SLC8A1: variants seen among roughly 807,000 people sequenced by gnomAD.
SLC8A1 encodes solute carrier family 8 member A1, also known as sodium/calcium exchanger 1.
SLC8A1 carries 18 observed loss-of-function variants against 68.3 expected under a neutral mutation model. The ratio of observed to expected loss-of-function variants is 0.26; its 90% CI spans 0.18 to 0.39. The LOEUF is 0.39. Among genes scored for constraint, SLC8A1 ranks in the 10% least tolerant of loss-of-function variants. SLC8A1 has a pLI of 1.00. For missense variants in SLC8A1, 985 were observed against 1,156.7 expected, an observed-to-expected ratio of 0.85 and a Z score of 2.15; for synonymous variants, 475 against 415.5, an observed-to-expected ratio of 1.14 and a Z score of -1.74.
chr2:40,379,829 A>G (rs1353666874), intron 2 of SLC8A1, among the ~76,000 whole-genome samples: 3 of 152,018 alleles, frequency 2.0e-5, no homozygotes, highest in African/African-American at 4.8e-5. Context: ...GTCTTTCTAA[A>G]TATCTATTAA....
chr2:40,221,775 T>C (rs189017831), intron 2 of SLC8A1, among the ~76,000 whole-genome samples: 49 of 152,296 alleles, frequency 3.2e-4, no homozygotes, highest in African/African-American at 1.2e-3. Context: ...CCATTCACAA[T>C]TGCTACAAAG....
chr2:40,243,425 A>G (rs1303488027), intron 2 of SLC8A1, among the ~76,000 whole-genome samples: 1 of 152,208 alleles, frequency 6.6e-6, no homozygotes, highest in East Asian at 1.9e-4. Flanking sequence ...TAGATGTTAT[A>G]GTGACCAAGA....
chr2:40,356,604 G>GAAA (rs35434132), intron 2 of SLC8A1, among the ~76,000 whole-genome samples: 1 of 146,916 alleles, frequency 6.8e-6, no homozygotes. Flanking sequence ...AAGATACCAA[G>GAAA]AAAAAAAAAA....
intron 2 of SLC8A1, among the ~76,000 whole-genome samples, chr2:40,223,132 A>G (rs2058554114): frequency 6.6e-6 from 1 of 152,248 alleles, no homozygotes; most frequent in African/African-American, 2.4e-5. Context: ...CCCATCAATG[A>G]TAGACTGGAT....
chr2:40,430,055 C>A (rs1238192528), exon 2 of SLC8A1: 1 of 1,613,886 alleles, frequency 6.2e-7, no homozygotes. Flanking sequence ...GTAGCTCTAG[C>A]AATTTTGTCC....
At chr2:40,255,835 C>T (rs1400674909) in intron 2 of SLC8A1, among the ~76,000 whole-genome samples, 3 of 152,056 alleles carry the variant, frequency 2.0e-5, no homozygotes, top group African/African-American at 4.8e-5. Flanking sequence ...ATCAATTAGT[C>T]AAGAAAATGT....
At chr2:40,443,844 CTATAA>C (rs977366092) in intron 1 of SLC8A1, among the ~76,000 whole-genome samples, 4 of 152,180 alleles carry the variant, frequency 2.6e-5, no homozygotes, top group African/African-American at 9.7e-5. Flanking sequence ...TCAGTGCCAT[CTATAA>C]TATAACACCT....
rs561145964 is a variant in SLC8A1, at chr2:40,320,973, C to A, written c.1808+107500G>T. 3.5e-4 allele frequency among the ~76,000 whole-genome samples: 53 copies of A among 152,212 alleles called. 1 individual carries two copies. In the South Asian group the frequency reaches 0.011, roughly 32 times the overall value. On this transcript the variant is annotated intron_variant, in intron 2 of 7. Coordinates refer to ENST00000406785, the Ensembl canonical transcript of SLC8A1. ...CCCTGGACTGCCCACTCTAACCATGCAGGCGGGGGATTGTGTGTGAGAAGG... is the reference window on the plus strand; with the variant it reads ...CCCTGGACTGCCCACTCTAACCATGAAGGCGGGGGATTGTGTGTGAGAAGG...
At chr2:40,154,866 T>C (rs1288485730) in intron 6 of SLC8A1, among the ~76,000 whole-genome samples, 1 of 152,132 alleles carries the variant, frequency 6.6e-6, no homozygotes, top group Non-Finnish European at 1.5e-5. Flanking sequence ...GGTTTCACTA[T>C]GTTGCATAGG....
chr2:40,356,589 G>C (rs978558381), intron 2 of SLC8A1, among the ~76,000 whole-genome samples: 3 of 143,894 alleles, frequency 2.1e-5, no homozygotes, highest in African/African-American at 7.5e-5. Context: ...AATCACGTAT[G>C]GTCCAAGATA....
exon 3 of SLC8A1, chr2:40,177,770 T>G (rs1278225537): frequency 6.5e-7 from 1 of 1,548,248 alleles, no homozygotes; most frequent in Middle Eastern, 1.7e-4. Context: ...CCTCTTCTTA[T>G]CCATTTTGGT....
chr2:40,457,641 C>G (rs935492424), intron 1 of SLC8A1, among the ~76,000 whole-genome samples: 6 of 152,106 alleles, frequency 3.9e-5, no homozygotes, highest in Non-Finnish European at 8.8e-5. Context: ...TACAGTGTGA[C>G]CTAAAGAATC....
exon 8 of SLC8A1, chr2:40,106,032 C>T (rs1341766612): frequency 6.6e-6 from 1 of 152,192 alleles, no homozygotes; most frequent in Non-Finnish European, 1.5e-5. Context: ...ATTAACACAT[C>T]TTCTGGATAG....
At chr2:40,398,950 A>G (rs1212491692) in intron 2 of SLC8A1, among the ~76,000 whole-genome samples, 1 of 152,180 alleles carries the variant, frequency 6.6e-6, no homozygotes, top group African/African-American at 2.4e-5. Flanking sequence ...CTATTTATCT[A>G]TCATCTATAT....
intron 2 of SLC8A1, among the ~76,000 whole-genome samples, chr2:40,348,084 T>G (rs1559339113): frequency 6.6e-6 from 1 of 152,100 alleles, no homozygotes; most frequent in South Asian, 2.1e-4. Flanking sequence ...CTGAAGTGTG[T>G]TTCCTTCTTA....
chr2:40,346,918 T>C (rs1669533145), intron 2 of SLC8A1, among the ~76,000 whole-genome samples: 1 of 152,126 alleles, frequency 6.6e-6, no homozygotes, highest in Non-Finnish European at 1.5e-5. Context: ...CCCTGGGTAA[T>C]CAGCCCACAC....
At chr2:40,268,062 A>G (rs2065579984) in intron 2 of SLC8A1, among the ~76,000 whole-genome samples, 1 of 152,216 alleles carries the variant, frequency 6.6e-6, no homozygotes, top group Non-Finnish European at 1.5e-5. Context: ...TCCTGAAAAG[A>G]AATCTCTCAT....
intron 1 of SLC8A1, chr2:40,512,311 C>T (rs1332123292): frequency 6.6e-6 from 1 of 152,246 alleles, no homozygotes; most frequent in Admixed American, 6.6e-5. Flanking sequence ...TGCAAATGAT[C>T]CTTTATAGAA....
chr2:40,406,763 G>T (rs1038788823), intron 2 of SLC8A1, among the ~76,000 whole-genome samples: 1 of 152,256 alleles, frequency 6.6e-6, no homozygotes, highest in African/African-American at 2.4e-5. Flanking sequence ...ACCATTGTCA[G>T]CTCACCCCAT....
Sources: allele counts gnomAD v4.1 joint callset (sites outside exome capture counted in the v4.1 genomes callset), GRCh38; gene constraint gnomAD v4.1.1; transcripts MANE v1.5; gene names NCBI Gene and HGNC (gene_info 2026-07-23, HGNC 2026-07-21).